GRM8: variants seen among roughly 807,000 people sequenced by gnomAD.
GRM8 encodes the protein metabotropic glutamate receptor 8.
GRM8 carries 47 observed loss-of-function variants against 87.2 expected under a neutral mutation model. The ratio of observed to expected loss-of-function variants is 0.54; its 90% CI spans 0.43 to 0.69. The LOEUF (loss-of-function observed/expected upper bound fraction) is 0.69. Ranked by LOEUF, GRM8 falls within the 30% of genes least tolerant of loss-of-function variation. GRM8 has a pLI of 0.00. For synonymous variants in GRM8, 396 were observed against 404.5 expected (o/e 0.98, Z 0.25); for missense variants, 1,019 against 1,139.2 (o/e 0.89, Z 1.52).
At chr7:127,095,192 C>T (rs1365476169) in intron 3 of GRM8, among the ~76,000 whole-genome samples, 1 of 152,170 alleles carries the variant, frequency 6.6e-6, no homozygotes, top group African/African-American at 2.4e-5. Context: ...TCTGGTGGGA[C>T]ATCACTGTGA....
intron 2 of GRM8, among the ~76,000 whole-genome samples, chr7:127,209,249 G>T (rs1216194427): frequency 6.6e-6 from 1 of 152,318 alleles, no homozygotes; most frequent in Non-Finnish European, 1.5e-5. Flanking sequence ...AAGGAGCAGG[G>T]ATACACAGCA....
At chr7:126,673,227 A>C (rs944711337) in intron 7 of GRM8, among the ~76,000 whole-genome samples, 1 of 151,972 alleles carries the variant, frequency 6.6e-6, no homozygotes, top group Non-Finnish European at 1.5e-5. Flanking sequence ...CTTTTCCCCC[A>C]ACAAAACCCT....
intron 8 of GRM8, among the ~76,000 whole-genome samples, chr7:126,543,412 A>G (rs1459184091): frequency 6.6e-6 from 1 of 152,212 alleles, no homozygotes; most frequent in Non-Finnish European, 1.5e-5. Flanking sequence ...TTGCTAAGCC[A>G]CTAATTAAAA....
intron 3 of GRM8, among the ~76,000 whole-genome samples, chr7:127,010,612 A>C (rs1414232261): frequency 5.3e-5 from 8 of 152,150 alleles, no homozygotes; most frequent in Non-Finnish European, 8.8e-5. Flanking sequence ...GTATTTATTA[A>C]AGTGGGACCA....
intron 9 of GRM8, among the ~76,000 whole-genome samples, chr7:126,527,097 G>C (rs987608660): frequency 6.6e-6 from 1 of 152,204 alleles, no homozygotes. Flanking sequence ...GGTGGCTCAC[G>C]CCTGTAATCC....
rs1190919631 is a variant in GRM8, at chr7:126,614,555, T to G, written c.1358-5057A>C. Among the ~76,000 whole-genome samples the G allele has an allele frequency of 2.6e-5, 4 of 152,190 alleles. No homozygotes were observed. In the East Asian group the frequency reaches 7.7e-4, roughly 29 times the overall value. ...TGACTTTGACAAGCTGAGAGAAGGC[T>G]TCAGATGATCAAACTTCTCTGAGCT... On this transcript the variant is annotated intron_variant, in intron 7 of 10. Transcript: ENST00000339582.
At chr7:126,608,759 CT>C (rs1189944716) in intron 8 of GRM8, among the ~76,000 whole-genome samples, 3,044 of 138,162 alleles carry the variant, frequency 0.022, 89 homozygotes, top group African/African-American at 0.074. Context: ...GTGATGTGCC[CT>C]TTTTTTTTTT....
At chr7:127,232,094 C>T (rs10487473) in intron 2 of GRM8, among the ~76,000 whole-genome samples, 25,822 of 151,904 alleles carry the variant, frequency 0.17, 2,489 homozygotes, top group Middle Eastern at 0.33. Context: ...CTGATGAAGT[C>T]CTAGTCTCAA....
intron 7 of GRM8, among the ~76,000 whole-genome samples, chr7:126,669,174 A>G (rs538954877): frequency 3.8e-4 from 58 of 152,248 alleles, no homozygotes; most frequent in African/African-American, 1.4e-3. Flanking sequence ...TTGGGGAGTC[A>G]GGGGCAAAAG....
chr7:126,842,269 A>G (rs1489041763), intron 6 of GRM8, among the ~76,000 whole-genome samples: 1 of 152,216 alleles, frequency 6.6e-6, no homozygotes, highest in Non-Finnish European at 1.5e-5. Flanking sequence ...GGGATGTTTA[A>G]GAGGCAATAG....
chr7:126,726,384 C>A (rs967068023), intron 7 of GRM8, among the ~76,000 whole-genome samples: 1 of 152,032 alleles, frequency 6.6e-6, no homozygotes, highest in South Asian at 2.1e-4. Flanking sequence ...CTAATCCAGA[C>A]CCTTCACAAG....
At chr7:126,889,775 C>A (rs1800826784) in intron 6 of GRM8, among the ~76,000 whole-genome samples, 1 of 152,018 alleles carries the variant, frequency 6.6e-6, no homozygotes, top group African/African-American at 2.4e-5. Context: ...CAAATATTGA[C>A]CTTCTGACTT....
chr7:126,594,376 T>C (rs146811412), intron 8 of GRM8, among the ~76,000 whole-genome samples: 1 of 152,156 alleles, frequency 6.6e-6, no homozygotes, highest in African/African-American at 2.4e-5. Flanking sequence ...GAAAATGTGG[T>C]GTATATACAT....
At chr7:126,622,014 C>T (rs748126949) in intron 7 of GRM8, among the ~76,000 whole-genome samples, 9 of 152,136 alleles carry the variant, frequency 5.9e-5, no homozygotes, top group Non-Finnish European at 1.5e-5. Flanking sequence ...TTCTCTCTGT[C>T]CAGTGAATTG....
At position 126,533,236 on chromosome 7, in the gene GRM8, C is replaced by A. The variant is rs1282106422; in HGVS notation, c.2146G>T (p.Val716Leu). Reference protein sequence around the residue: ...QLLGVFVWFVVDPPHIIIDYG... With the variant: ...QLLGVFVWFVLDPPHIIIDYG... The stretch of plus-strand genomic sequence containing the variant: ...TCAATGATGATGTGGGGGGGATCCA[C>A]AACAAACCAGACAAACACTCCAAGG... The change falls in exon 9 of 11, where the codon GTG becomes TTG. Residue 716 changes from valine (V) to leucine (L), a missense_variant. Coordinates refer to ENST00000339582, the MANE Select transcript of GRM8 (RefSeq NM_000845.3). The A allele has an allele frequency of 6.2e-7, 1 of 1,613,326 alleles. No homozygotes were observed. Among genetic ancestry groups the A allele is most frequent in the Non-Finnish European group, 8.5e-7 (1 of 1,179,854 alleles).
At chr7:127,124,529 G>C (rs1277705204) in intron 2 of GRM8, among the ~76,000 whole-genome samples, 1 of 151,936 alleles carries the variant, frequency 6.6e-6, no homozygotes, top group Non-Finnish European at 1.5e-5. Context: ...CAATATTTTT[G>C]CACCCTTTCA....
chr7:126,709,014 C>T (rs933751333), intron 7 of GRM8, among the ~76,000 whole-genome samples: 2 of 152,032 alleles, frequency 1.3e-5, no homozygotes, highest in African/African-American at 4.8e-5. Context: ...TGTTAATTAG[C>T]TCAATTTAAC....
At chr7:126,873,787 G>T (rs1322416268) in intron 6 of GRM8, among the ~76,000 whole-genome samples, 1 of 152,060 alleles carries the variant, frequency 6.6e-6, no homozygotes, top group African/African-American at 2.4e-5. Flanking sequence ...ATTGGGCTGA[G>T]ACAGATAGAA....
At chr7:126,796,849 G>C (rs1301501699) in intron 6 of GRM8, among the ~76,000 whole-genome samples, 1 of 151,982 alleles carries the variant, frequency 6.6e-6, no homozygotes, top group African/African-American at 2.4e-5. Flanking sequence ...ACCCACTGGG[G>C]CTTGTCTCAA....
Sources: gnomAD v4.1 joint callset for allele counts (sites outside exome capture counted in the v4.1 genomes callset) on GRCh38, gnomAD v4.1.1 for gene constraint, MANE v1.5 for transcripts, NCBI Gene and HGNC (gene_info 2026-07-23, HGNC 2026-07-21) for gene names.